The following ADAM10 variants were observed in gnomAD, a reference collection of about 807,000 sequenced individuals.
ADAM10 encodes the protein ADAM metallopeptidase domain 10, also known as disintegrin and metalloproteinase domain-containing protein 10.
In ADAM10, 17 loss-of-function variants were observed where a neutral mutation model predicts 90.1. The observed-to-expected ratio is 0.19, with a 90% CI of 0.13 to 0.28. The LOEUF is 0.28. Among genes scored for constraint, ADAM10 ranks in the 10% least tolerant of loss-of-function variants. The pLI is 1.00. For synonymous variants in ADAM10, 310 were observed against 298.6 expected (o/e 1.04, Z -0.40); for missense variants, 610 against 914.3 (o/e 0.67, Z 4.29).
intron 5 of ADAM10, among the ~76,000 whole-genome samples, chr15:58,663,489 T>TCC (rs1171412326): frequency 6.6e-6 from 1 of 152,024 alleles, no homozygotes. Context: ...CTAGGGTAAA[T>TCC]CCCTCTTTCC....
intron 11 of ADAM10, among the ~76,000 whole-genome samples, chr15:58,621,141 T>C (rs574340631): frequency 1.4e-3 from 216 of 151,380 alleles, no homozygotes; most frequent in African/African-American, 4.8e-3. Context: ...CACATGCCTA[T>C]AGTCCCAGCT....
At chr15:58,711,834 G>A (rs1045846905) in intron 2 of ADAM10, among the ~76,000 whole-genome samples, 12 of 152,058 alleles carry the variant, frequency 7.9e-5, no homozygotes, top group Non-Finnish European at 1.5e-4. Flanking sequence ...ATCGTTTTAA[G>A]TAAGAGTCTC....
intron 1 of ADAM10, among the ~76,000 whole-genome samples, chr15:58,741,202 T>C (rs1269676611): frequency 1.3e-5 from 2 of 152,144 alleles, no homozygotes; most frequent in Admixed American, 6.5e-5. Context: ...ATATGCAAAT[T>C]TGCCTAAAAT....
At chr15:58,668,103 G>A (rs1175441571) in intron 4 of ADAM10, among the ~76,000 whole-genome samples, 1 of 152,116 alleles carries the variant, frequency 6.6e-6, no homozygotes. Context: ...GCAGCCAAAG[G>A]ATAATGGGAG....
At chr15:58,634,083 G>A (rs1293514461) in intron 8 of ADAM10, among the ~76,000 whole-genome samples, 3 of 152,100 alleles carry the variant, frequency 2.0e-5, no homozygotes, top group African/African-American at 7.2e-5. Context: ...GGCCGAGGCA[G>A]GCAGATCACT....
At chr15:58,673,243 A>T (rs1221194295) in intron 4 of ADAM10, among the ~76,000 whole-genome samples, 2 of 152,228 alleles carry the variant, frequency 1.3e-5, no homozygotes. Context: ...GCTGTAAGCC[A>T]GCATGAAAAT....
At chr15:58,646,261 C>T in intron 5 of ADAM10, 57 bp from the exon 6 acceptor site, 1 of 1,519,594 alleles carries the variant, frequency 6.6e-7, no homozygotes. Context: ...ATCATTTTAT[C>T]TAATTAAGAA....
chr15:58,672,250 G>C (rs1279473121), intron 4 of ADAM10: 1 of 152,346 alleles, frequency 6.6e-6, no homozygotes, highest in Non-Finnish European at 1.5e-5. Flanking sequence ...ATGGCAGCCA[G>C]ATGTGCACTA....
intron 2 of ADAM10, 89 bp downstream of exon 2, chr15:58,717,488 G>C: frequency 2.6e-6 from 4 of 1,537,690 alleles, no homozygotes; most frequent in Non-Finnish European, 2.7e-6. Context: ...CCTTGCATTA[G>C]AGAAGGAAAA....
rs1327860313 is a variant in ADAM10 at position 58,611,127 on chromosome 15, C to A, written c.1696-20G>T. 1.1e-5 allele frequency: 17 copies of A among 1,579,250 alleles called. No homozygotes were observed. The highest frequency in any genetic ancestry group is 1.5e-5 in the Non-Finnish European group (17 of 1,148,392). On this transcript the variant is annotated intron_variant, in intron 12 of 15. Transcript: ENST00000260408. ...ACATTGCTAGAAGAAAAATAAAAGA[C>A]AAATTGTTTAATCCCTATACAGTCA...
chr15:58,624,233 C>T (rs1324847709), intron 10 of ADAM10, among the ~76,000 whole-genome samples: 1 of 151,782 alleles, frequency 6.6e-6, no homozygotes, highest in East Asian at 2.0e-4. Flanking sequence ...TTGCAGTGAG[C>T]CGAGATCGTG....
intron 2 of ADAM10, among the ~76,000 whole-genome samples, chr15:58,713,823 T>C (rs1898555628): frequency 6.6e-6 from 1 of 152,064 alleles, no homozygotes; most frequent in Non-Finnish European, 1.5e-5. Flanking sequence ...TTCTTTTTTT[T>C]TTTTTTCTGA....
intron 11 of ADAM10, among the ~76,000 whole-genome samples, chr15:58,618,312 T>A (rs1473977394): frequency 2.0e-5 from 3 of 152,142 alleles, no homozygotes; most frequent in African/African-American, 7.2e-5. Flanking sequence ...GAAAACTGGA[T>A]ACCTATATGC....
chr15:58,599,503 G>GT, intron 15 of ADAM10, 95 bp downstream of exon 15: 1 of 1,390,140 alleles, frequency 7.2e-7, no homozygotes, highest in Middle Eastern at 1.8e-4. Context: ...AGAAAGTACT[G>GT]TAACATTAGT....
intron 11 of ADAM10, among the ~76,000 whole-genome samples, chr15:58,617,083 T>C (rs1022984869): frequency 7.8e-4 from 118 of 151,648 alleles, no homozygotes; most frequent in Non-Finnish European, 5.0e-4. Flanking sequence ...CACTCCAGCC[T>C]GGGGAAAAAA....
intron 6 of ADAM10, among the ~76,000 whole-genome samples, chr15:58,644,761 C>A (rs1596023049): frequency 3.3e-5 from 5 of 152,156 alleles, no homozygotes; most frequent in Admixed American, 2.6e-4. Context: ...ACTTTGTTGA[C>A]CCCTTTCTAT....
intron 8 of ADAM10, among the ~76,000 whole-genome samples, chr15:58,634,198 C>G (rs1896185431): frequency 6.6e-6 from 1 of 151,628 alleles, no homozygotes; most frequent in African/African-American, 2.4e-5. Flanking sequence ...GTAATCCCAG[C>G]TACTCGGGCA....
At chr15:58,602,842 G>A (rs1895152000) in intron 14 of ADAM10, among the ~76,000 whole-genome samples, 1 of 152,070 alleles carries the variant, frequency 6.6e-6, no homozygotes, top group Non-Finnish European at 1.5e-5. Context: ...TTGCAGGGAC[G>A]GCAAACTCAA....
chr15:58,749,705 A>G lies in ADAM10; in HGVS notation c.-171T>C. 1 of 1,423,830 alleles carries G rather than the reference A, an allele frequency of 7.0e-7. No homozygotes were observed. The highest frequency in any genetic ancestry group is 2.8e-5 in the East Asian group (1 of 35,490). The allele number at this position is 1,423,830 out of a possible 1,614,324, so 88.2% of individuals were successfully genotyped here. The stretch of plus-strand genomic sequence containing the variant: ...CTCTCGCTCCACTTCAGGGGCCGGC[A>G]ACGCTCCTAGCTCCTCCAAAACAGG... On this transcript the variant is annotated 5_prime_UTR_variant, in exon 1 of 16. Coordinates refer to ENST00000260408, the MANE Select transcript of ADAM10 (RefSeq NM_001110.4).
Sources: gnomAD v4.1 joint callset for allele counts (sites outside exome capture counted in the v4.1 genomes callset) on GRCh38, gnomAD v4.1.1 for gene constraint, MANE v1.5 for transcripts, NCBI Gene and HGNC (gene_info 2026-07-23, HGNC 2026-07-21) for gene names.